RNF180: variants seen among roughly 807,000 people sequenced by gnomAD.
The protein encoded by RNF180 is ring finger protein 180.
In RNF180, 38 loss-of-function variants were observed where a neutral mutation model predicts 59.2. The ratio of observed to expected loss-of-function variants is 0.64; its 90% CI spans 0.50 to 0.84. The LOEUF (loss-of-function observed/expected upper bound fraction) is 0.84. Ranked by LOEUF, RNF180 falls within the 40% of genes least tolerant of loss-of-function variation. The pLI is 0.00. For synonymous variants in RNF180, 262 were observed against 240.3 expected (o/e 1.09, Z -0.84); for missense variants, 705 against 700.9 (o/e 1.01, Z -0.07).
At chr5:64,202,988 T>C (rs1751830996) in intron 2 of RNF180, among the ~76,000 whole-genome samples, 1 of 152,230 alleles carries the variant, frequency 6.6e-6, no homozygotes, top group Admixed American at 6.5e-5. Flanking sequence ...TTGCTCTTCC[T>C]TCAGGATATC....
chr5:64,295,329 A>G (rs1742825683), intron 5 of RNF180, among the ~76,000 whole-genome samples: 1 of 152,156 alleles, frequency 6.6e-6, no homozygotes, highest in Non-Finnish European at 1.5e-5. Flanking sequence ...GTTGCCACTG[A>G]AGCATGAGAT....
At chr5:64,350,886 A>T (rs1023750403) in intron 7 of RNF180, among the ~76,000 whole-genome samples, 6 of 152,168 alleles carry the variant, frequency 3.9e-5, no homozygotes, top group Admixed American at 1.3e-4. Context: ...TGACTTGGCA[A>T]TGCGGGCTCT....
intron 7 of RNF180, among the ~76,000 whole-genome samples, chr5:64,363,903 A>G (rs915146007): frequency 2.0e-5 from 3 of 151,760 alleles, no homozygotes; most frequent in Non-Finnish European, 4.4e-5. Flanking sequence ...TTGTTGGTGT[A>G]TAGGGATGCT....
chr5:64,339,820 G>A (rs887972269), intron 7 of RNF180, among the ~76,000 whole-genome samples: 1 of 152,024 alleles, frequency 6.6e-6, no homozygotes, highest in Non-Finnish European at 1.5e-5. Context: ...TTCACCCTAT[G>A]AAGTGTCTTA....
intron 5 of RNF180, among the ~76,000 whole-genome samples, chr5:64,301,464 T>A (rs1300205654): frequency 6.6e-6 from 1 of 151,798 alleles, no homozygotes; most frequent in East Asian, 1.9e-4. Flanking sequence ...TAAATTTTAT[T>A]TTATGAAATG....
chr5:64,331,050 A>G (rs879414253), intron 7 of RNF180, among the ~76,000 whole-genome samples: 2 of 152,228 alleles, frequency 1.3e-5, no homozygotes, highest in Non-Finnish European at 2.9e-5. Context: ...AAGCCCAGGC[A>G]CTGTCGCAAC....
chr5:64,181,587 G>A (rs1750586187), intron 1 of RNF180, among the ~76,000 whole-genome samples: 2 of 152,168 alleles, frequency 1.3e-5, no homozygotes, highest in Admixed American at 1.3e-4. Context: ...ACAGGACTGA[G>A]TGCTTTGTAT....
chr5:64,355,371 A>G (rs1437272293), intron 7 of RNF180, among the ~76,000 whole-genome samples: 1 of 151,932 alleles, frequency 6.6e-6, no homozygotes, highest in Non-Finnish European at 1.5e-5. Context: ...TGGATGTTAA[A>G]AACTTGCACA....
intron 5 of RNF180, among the ~76,000 whole-genome samples, chr5:64,316,855 T>C (rs1744063224): frequency 6.6e-6 from 1 of 152,150 alleles, no homozygotes; most frequent in Non-Finnish European, 1.5e-5. Context: ...AATACAGATA[T>C]GTCCCTCAAT....
chr5:64,265,659 G>A (rs527766653), intron 5 of RNF180, among the ~76,000 whole-genome samples: 20 of 152,220 alleles, frequency 1.3e-4, no homozygotes, highest in Admixed American at 1.0e-3. Context: ...GTCAGGTAGC[G>A]TGATGCCTCC....
chr5:64,178,260 A>G (rs973816337), intron 1 of RNF180, among the ~76,000 whole-genome samples: 1 of 151,600 alleles, frequency 6.6e-6, no homozygotes, highest in African/African-American at 2.4e-5. Context: ...CCTTTCTATG[A>G]TCTGACAGGG....
chr5:64,302,672 G>A (rs980830135), intron 5 of RNF180, among the ~76,000 whole-genome samples: 7 of 151,580 alleles, frequency 4.6e-5, no homozygotes, highest in African/African-American at 1.7e-4. Flanking sequence ...TTTGAAGATA[G>A]TTATTTTGAT....
intron 7 of RNF180, among the ~76,000 whole-genome samples, chr5:64,360,662 A>T (rs925581586): frequency 6.6e-6 from 1 of 151,762 alleles, no homozygotes; most frequent in Admixed American, 6.6e-5. Context: ...TTACCAAATT[A>T]CCAATGTCTA....
At chr5:64,183,256 G>C (rs1456158050) in intron 1 of RNF180, among the ~76,000 whole-genome samples, 3 of 151,960 alleles carry the variant, frequency 2.0e-5, no homozygotes, top group Non-Finnish European at 4.4e-5. Flanking sequence ...TACCTCATAG[G>C]AATGTCTTGA....
At chr5:64,314,183 G>A (rs1247770304) in intron 5 of RNF180, among the ~76,000 whole-genome samples, 1 of 152,170 alleles carries the variant, frequency 6.6e-6, no homozygotes, top group East Asian at 1.9e-4. Context: ...CACTTGTGGT[G>A]TCTTAGCACT....
intron 6 of RNF180, among the ~76,000 whole-genome samples, chr5:64,326,715 G>C (rs1167468376): frequency 6.6e-6 from 1 of 152,164 alleles, no homozygotes; most frequent in Non-Finnish European, 1.5e-5. Context: ...GATTCCGTTT[G>C]CTAGTATTTT....
chr5:64,301,273 C>G (rs991494802), intron 5 of RNF180, among the ~76,000 whole-genome samples: 1 of 151,622 alleles, frequency 6.6e-6, no homozygotes, highest in Non-Finnish European at 1.5e-5. Flanking sequence ...AATATAAATG[C>G]AAATCTGTAT....
intron 1 of RNF180, among the ~76,000 whole-genome samples, chr5:64,177,239 A>G (rs1333872727): frequency 1.3e-5 from 2 of 151,928 alleles, no homozygotes; most frequent in African/African-American, 4.8e-5. Flanking sequence ...ACAACCCTAC[A>G]CATTCCCGAC....
chr5:64,343,076 T>C (rs1201198110), intron 7 of RNF180, among the ~76,000 whole-genome samples: 2 of 152,058 alleles, frequency 1.3e-5, no homozygotes, highest in African/African-American at 4.8e-5. Flanking sequence ...CATGGATCTT[T>C]CATACAATAA....
Sources: allele counts gnomAD v4.1 joint callset (sites outside exome capture counted in the v4.1 genomes callset), GRCh38; gene constraint gnomAD v4.1.1; transcripts MANE v1.5; gene names NCBI Gene and HGNC (gene_info 2026-07-23, HGNC 2026-07-21).